POLN: variants seen among roughly 807,000 people sequenced by gnomAD.
POLN encodes DNA polymerase nu, also known as DNA polymerase N.
POLN carries 108 observed loss-of-function variants against 113.5 expected under a neutral mutation model. The ratio of observed to expected loss-of-function variants is 0.95; its 90% CI spans 0.81 to 1.12. The LOEUF (loss-of-function observed/expected upper bound fraction) is 1.12. Ranked by LOEUF, POLN falls within the 50% of genes most tolerant of loss-of-function variation. POLN has a pLI of 0.00. For synonymous variants in POLN, 386 were observed against 391.5 expected (o/e 0.99, Z 0.17); for missense variants, 1,097 against 1,077.1 (o/e 1.02, Z -0.26).
intron 19 of POLN, among the ~76,000 whole-genome samples, chr4:2,106,507 T>A (rs971548102): frequency 6.6e-6 from 1 of 152,218 alleles, no homozygotes; most frequent in African/African-American, 2.4e-5. Context: ...CATGTGTGAA[T>A]GCCTAACCCA....
intron 16 of POLN, among the ~76,000 whole-genome samples, chr4:2,153,726 G>C (rs897724151): frequency 6.6e-6 from 1 of 151,700 alleles, no homozygotes; most frequent in Non-Finnish European, 1.5e-5. Context: ...GGGACCACAG[G>C]CGCCCACTAC....
At chr4:2,128,717 G>A (rs140475857) in intron 18 of POLN, among the ~76,000 whole-genome samples, 1 of 152,282 alleles carries the variant, frequency 6.6e-6, no homozygotes, top group Non-Finnish European at 1.5e-5. Flanking sequence ...GATGTGACGG[G>A]ACACTGCAAG....
intron 16 of POLN, chr4:2,139,700 A>G (rs1731947813): frequency 6.6e-6 from 1 of 152,248 alleles, no homozygotes; most frequent in Non-Finnish European, 1.5e-5. Flanking sequence ...TATGTGGTAT[A>G]TGAACACCTT....
chr4:2,167,054 C>T (rs1732746377), intron 13 of POLN, among the ~76,000 whole-genome samples: 1 of 152,134 alleles, frequency 6.6e-6, no homozygotes, highest in Non-Finnish European at 1.5e-5. Context: ...CCCACTAAAC[C>T]ATCAACGGTG....
Position 2,088,817 on chromosome 4 carries a change from T to A in POLN, c.2066-3073A>T. 3.5e-6 allele frequency: 5 copies of A among 1,436,056 alleles called. No homozygotes were observed. In the South Asian group the frequency reaches 3.8e-5, roughly 11 times the overall value. The allele number at this position is 1,436,056 out of a possible 1,614,324, so 89.0% of individuals were successfully genotyped here. ...CGCTACAAGAGGACTTATTTCTTTG[T>A]CCTTTACATCTTGAACTTGTCTACT... On this transcript the variant is annotated intron_variant, in intron 20 of 25. Transcript: ENST00000511885.
rs759453196 is a variant in POLN, at chr4:2,240,391, C to T, written c.-13+1129G>A. 4 of 1,610,910 alleles carry T rather than the reference C, an allele frequency of 2.5e-6. No individual in the cohort carries two copies. In the African/African-American group the frequency reaches 5.3e-5, roughly 22 times the overall value. On this transcript the variant is annotated intron_variant, in intron 2 of 25. Coordinates refer to ENST00000511885, the MANE Select transcript of POLN (RefSeq NM_181808.4). ...AATACCAGTGGATTTGTCCCTTGAC[C>T]TAAATTAGAATGTCTGAAGAACATC...
At chr4:2,144,167 T>TG (rs1234738341) in intron 16 of POLN, among the ~76,000 whole-genome samples, 1 of 146,680 alleles carries the variant, frequency 6.8e-6, no homozygotes, top group East Asian at 2.0e-4. Flanking sequence ...TTTTTTGAGA[T>TG]GGAGTCTCAC....
rs1194952145 is a variant in POLN, at chr4:2,072,275, C to T, written c.2542G>A (p.Ala848Thr). The T allele has an allele frequency of 1.8e-5, 29 of 1,588,786 alleles. No individual in the cohort carries two copies. The highest frequency in any genetic ancestry group is 2.4e-5 in the Non-Finnish European group (28 of 1,167,842). ...LQVPLKVSLS[A>T]GRSWGHLVPL... ...ACCAGGTGTCCCCATGAGCGGCCGG[C>T]ACTCAGGCTCACCTTGAGGGGTACC... is the stretch of plus-strand genomic sequence containing the variant. Residue 848 changes from alanine to threonine, a missense_variant, in exon 26 of 26, where the codon GCC becomes ACC. Transcript: ENST00000511885.
intron 20 of POLN, among the ~76,000 whole-genome samples, chr4:2,088,092 T>C (rs1332018574): frequency 2.0e-5 from 3 of 152,202 alleles, no homozygotes; most frequent in Non-Finnish European, 4.4e-5. Context: ...AATTCACATA[T>C]AAATCCAACT....
intron 8 of POLN, chr4:2,177,266 C>T (rs1245170178): frequency 4.2e-6 from 2 of 477,026 alleles, no homozygotes; most frequent in African/African-American, 2.0e-5. Flanking sequence ...GCCCCTAAAT[C>T]TTCTCTGGCT....
intron 19 of POLN, among the ~76,000 whole-genome samples, chr4:2,118,077 T>C (rs901065414): frequency 4.6e-5 from 7 of 152,210 alleles, no homozygotes; most frequent in African/African-American, 1.4e-4. Context: ...ACACCCACAG[T>C]TAATTTGGAG....
intron 19 of POLN, among the ~76,000 whole-genome samples, chr4:2,098,662 T>A (rs1730853207): frequency 6.6e-6 from 1 of 152,176 alleles, no homozygotes; most frequent in African/African-American, 2.4e-5. Flanking sequence ...GATGTGTGTA[T>A]ACACACAGGT....
chr4:2,157,908 G>T lies in POLN; in HGVS notation c.1615C>A (p.His539Asn). The T allele has an allele frequency of 6.2e-7, 1 of 1,604,148 alleles. No homozygotes were observed. Among genetic ancestry groups the T allele is most frequent in the South Asian group, 1.1e-5 (1 of 90,244 alleles). Residue 539 changes from histidine (H) to asparagine (N), a missense_variant, in exon 15 of 26, where the codon CAC becomes AAC. By Grantham distance (68) the His-to-Asn change is moderately conservative. Coordinates refer to ENST00000511885, the MANE Select transcript of POLN (RefSeq NM_181808.4). ...PKIILEYRQV[H>N]KIKSTFVDGL... ...TCTACAAAGGTTGACTTGATCTTGT[G>T]AACCTAAGGTGGAAAGACAAGAATA...
intron 17 of POLN, 26 bp downstream of exon 17, chr4:2,131,207 T>C (rs1436260961): frequency 6.6e-7 from 1 of 1,522,948 alleles, no homozygotes; most frequent in African/African-American, 1.4e-5. Context: ...CCAGAGACTT[T>C]AGCAAGGTAG....
At position 2,208,474 on chromosome 4, in the gene POLN, A is replaced by G. The variant is rs375732421; in HGVS notation, c.227T>C (p.Leu76Ser). ...AGAACCTCTTGATGTCTGACTTCTT[A>G]AAGATTTAAGATCCTACAGAAAAAT... ...QSPEKKDLKS[L>S]RSQTSRGSAK... The change falls in exon 5 of 26, where the codon TTA becomes TCA. Residue 76 changes from leucine (L) to serine (S), a missense_variant. By Grantham distance (145) the Leu-to-Ser change is moderately radical. Transcript: ENST00000511885. 5.9e-5 allele frequency: 91 copies of G among 1,546,404 alleles called. No homozygotes were observed. The highest frequency in any genetic ancestry group is 7.2e-5 in the Non-Finnish European group (83 of 1,152,158).
intron 21 of POLN, 59 bp from the exon 22 acceptor site, chr4:2,081,802 G>C: frequency 2.1e-6 from 3 of 1,437,912 alleles, no homozygotes; most frequent in South Asian, 1.2e-5. Context: ...AGCAGGTGCA[G>C]CTCCCTCGGG....
chr4:2,148,950 T>C (rs1341348320), intron 16 of POLN, among the ~76,000 whole-genome samples: 3 of 152,166 alleles, frequency 2.0e-5, no homozygotes, highest in African/African-American at 7.2e-5. Context: ...GAGAATTTTA[T>C]ACCTCGCAAA....
chr4:2,109,275 T>G (rs1383305697), intron 19 of POLN, among the ~76,000 whole-genome samples: 1 of 152,202 alleles, frequency 6.6e-6, no homozygotes, highest in Non-Finnish European at 1.5e-5. Context: ...ATAACTTTCT[T>G]AAGGAAGCAC....
At chr4:2,208,541 ATAAAC>A (rs1050203922) in intron 4 of POLN, 54 bp from the exon 5 acceptor site, 6 of 1,369,134 alleles carry the variant, frequency 4.4e-6, no homozygotes, top group Non-Finnish European at 5.8e-6. Flanking sequence ...AGACAGATCT[ATAAAC>A]TAAACTAATT....
Sources: allele counts gnomAD v4.1 joint callset (sites outside exome capture counted in the v4.1 genomes callset), GRCh38; gene constraint gnomAD v4.1.1; transcripts MANE v1.5; gene names NCBI Gene and HGNC (gene_info 2026-07-23, HGNC 2026-07-21).